The following AVL9 variants were observed in gnomAD, a reference collection of about 807,000 sequenced individuals.
AVL9 encodes the protein late secretory pathway protein AVL9 homolog.
AVL9 carries 49 observed loss-of-function variants against 79.2 expected under a neutral mutation model. That is an observed-to-expected ratio of 0.62 (90% CI 0.49 to 0.79). AVL9 has a LOEUF of 0.79. AVL9 is among the 30% of genes least tolerant of loss of function. The pLI is 0.00. For missense variants in AVL9, 682 were observed against 776.8 expected (o/e 0.88, Z 1.45); for synonymous variants, 299 against 280.6 (o/e 1.07, Z -0.65).
chr7:32,573,174 T>C, intron 11 of AVL9, 25 bp from the exon 12 acceptor site: 2 of 1,599,686 alleles, frequency 1.3e-6, no homozygotes, highest in Non-Finnish European at 1.7e-6. Flanking sequence ...GCCCAGACTC[T>C]GACTTGTACC....
Position 32,518,019 on chromosome 7 carries a change from C to T in AVL9, c.93+22217C>T, listed in dbSNP as rs142394758. ...CTAATTTTTTTATTTTTAGTGGAGA[C>T]GGAGTTTCACCATGTTGGCCAGGCT... On this transcript the variant is annotated intron_variant, in intron 1 of 15. Transcript: ENST00000318709. Among the ~76,000 whole-genome samples the T allele has an allele frequency of 9.2e-3, 1,395 of 151,986 alleles. 23 individuals are homozygous for T. Among genetic ancestry groups the T allele is most frequent in the African/African-American group, 0.03 (1,254 of 41,440 alleles).
intron 1 of AVL9, among the ~76,000 whole-genome samples, chr7:32,515,611 A>G (rs947275880): frequency 3.3e-5 from 5 of 152,202 alleles, no homozygotes; most frequent in Non-Finnish European, 5.9e-5. Context: ...TGCTTCTAGA[A>G]TGGTAGAGAG....
chr7:32,563,285 G>T (rs1790409571), intron 10 of AVL9, among the ~76,000 whole-genome samples: 1 of 151,870 alleles, frequency 6.6e-6, no homozygotes, highest in Admixed American at 6.6e-5. Context: ...ACCCACCTTG[G>T]CCTCCCAAAG....
chr7:32,526,128 C>T (rs910588454), intron 1 of AVL9, among the ~76,000 whole-genome samples: 2 of 152,190 alleles, frequency 1.3e-5, no homozygotes, highest in Admixed American at 6.5e-5. Context: ...TCCATCCTGT[C>T]CTCCTGGTGC....
Position 32,580,725 on chromosome 7 carries a change from CTA to C in AVL9, c.1743-73_1743-72del. On this transcript the variant is annotated intron_variant, in intron 14 of 15. Coordinates refer to ENST00000318709, the MANE Select transcript of AVL9 (RefSeq NM_015060.3). The stretch of plus-strand genomic sequence containing the variant: ...TACAGAGTGACTATTGTGTGTGTGT[CTA>C]TATGTGTCTGTGTGCGTGTGTGAGA... 10 of 818,890 alleles carry C rather than the reference CTA, an allele frequency of 1.2e-5. No individual in the cohort carries two copies. The South Asian group carries it at 1.6e-4, about 13-fold the overall frequency. 50.7% of individuals were successfully genotyped at this position (818,890 alleles called of 1,614,324 possible).
chr7:32,568,209 T>TTTA (rs1790669585), intron 10 of AVL9, among the ~76,000 whole-genome samples: 1 of 146,884 alleles, frequency 6.8e-6, no homozygotes, highest in East Asian at 2.0e-4. Context: ...TTATTTATTT[T>TTTA]TTTTTTTTTG....
intron 1 of AVL9, among the ~76,000 whole-genome samples, chr7:32,504,359 T>C (rs1271205642): frequency 1.3e-5 from 2 of 152,232 alleles, no homozygotes; most frequent in African/African-American, 4.8e-5. Context: ...TATCATCTCA[T>C]TCAGAAAACC....
At position 32,580,799 on chromosome 7, in the gene AVL9, C is replaced by A; in HGVS notation, c.1743-3C>A. On this transcript the variant is annotated splice_region_variant and splice_polypyrimidine_tract_variant and intron_variant, in intron 14 of 15. Coordinates refer to ENST00000318709, the MANE Select transcript of AVL9 (RefSeq NM_015060.3). ...CACTTCTTTTATCTTATCTTTTACC[C>A]AGTTCTGTTCAGAATAGTGAACGTG... The A allele has an allele frequency of 6.2e-7, 1 of 1,610,188 alleles. No homozygotes were observed. Among genetic ancestry groups the A allele is most frequent in the Non-Finnish European group, 8.5e-7 (1 of 1,177,044 alleles).
intron 13 of AVL9, among the ~76,000 whole-genome samples, chr7:32,577,695 T>A (rs1341193559): frequency 6.6e-6 from 1 of 152,176 alleles, no homozygotes; most frequent in Non-Finnish European, 1.5e-5. Flanking sequence ...GCTCTATAGA[T>A]GTTAGTGCAG....
chr7:32,523,419 T>A (rs1046950600), intron 1 of AVL9, among the ~76,000 whole-genome samples: 4 of 151,460 alleles, frequency 2.6e-5, no homozygotes, highest in African/African-American at 9.7e-5. Flanking sequence ...AAACTTTTTT[T>A]AACCAGGTAA....
intron 8 of AVL9, among the ~76,000 whole-genome samples, chr7:32,557,562 C>T (rs879493102): frequency 3.3e-5 from 5 of 152,086 alleles, no homozygotes; most frequent in African/African-American, 4.8e-5. Flanking sequence ...CAGATTAAAC[C>T]TTTTTAGCAA....
intron 1 of AVL9, among the ~76,000 whole-genome samples, chr7:32,527,061 G>T (rs184382789): frequency 2.6e-5 from 4 of 152,292 alleles, no homozygotes; most frequent in African/African-American, 9.6e-5. Flanking sequence ...GGAGAAGTGG[G>T]CGTGTGAGAT....
chr7:32,495,573 C>G lies in AVL9; in HGVS notation c.-137C>G. ...GGGGGCGGCGGGAGCTGCTTTGCCT[C>G]CACCGATCTCCCTGTGCGGCCCTCA... On this transcript the variant is annotated 5_prime_UTR_variant, in exon 1 of 16. Coordinates refer to ENST00000318709, the MANE Select transcript of AVL9 (RefSeq NM_015060.3). The G allele has an allele frequency of 2.1e-6, 1 of 476,832 alleles. No individual in the cohort carries two copies. Among genetic ancestry groups the G allele is most frequent in the Non-Finnish European group, 3.5e-6 (1 of 286,912 alleles). The allele number at this position is 476,832 out of a possible 1,614,324, so 29.5% of individuals were successfully genotyped here.
At chr7:32,582,675 A>C (rs774191536) in intron 15 of AVL9, among the ~76,000 whole-genome samples, 20 of 152,114 alleles carry the variant, frequency 1.3e-4, no homozygotes, top group Non-Finnish European at 1.8e-4. Flanking sequence ...CAACTTAAAT[A>C]ATTTCACTTA....
At chr7:32,511,438 C>A (rs1787668458) in intron 1 of AVL9, among the ~76,000 whole-genome samples, 1 of 151,978 alleles carries the variant, frequency 6.6e-6, no homozygotes, top group Non-Finnish European at 1.5e-5. Flanking sequence ...AGTCCACAGT[C>A]CTGGAAATTC....
chr7:32,503,947 T>G (rs976810443), intron 1 of AVL9, among the ~76,000 whole-genome samples: 1 of 152,136 alleles, frequency 6.6e-6, no homozygotes, highest in Admixed American at 6.5e-5. Context: ...CCTCCCAAAG[T>G]GCTGGGATTA....
chr7:32,566,780 G>C (rs4720067), intron 10 of AVL9, among the ~76,000 whole-genome samples: 108,052 of 151,782 alleles, frequency 0.71, 38,976 homozygotes, highest in South Asian at 0.85. Context: ...CTACTCCGGA[G>C]GCTGAGGCAG....
chr7:32,563,337 C>A (rs540410124), intron 10 of AVL9, among the ~76,000 whole-genome samples: 1 of 151,896 alleles, frequency 6.6e-6, no homozygotes, highest in Non-Finnish European at 1.5e-5. Flanking sequence ...CAGCCTCTCC[C>A]GTATACTTTA....
At position 32,548,928 on chromosome 7, in the gene AVL9, G is replaced by A. The variant is rs369275210; in HGVS notation, c.372+10G>A. 46 of 1,539,688 alleles carry A rather than the reference G, an allele frequency of 3.0e-5. No homozygotes were observed. The highest frequency in any genetic ancestry group is 2.0e-4 in the South Asian group (15 of 76,742). Reference sequence around the variant, plus strand: ...TGTTCTAAGCAAGCTGGTAAGAGACGAAGTAACTTGTTCATTATGTTAAAC... The same window carrying A: ...TGTTCTAAGCAAGCTGGTAAGAGACAAAGTAACTTGTTCATTATGTTAAAC... On this transcript the variant is annotated intron_variant, in intron 4 of 15. Transcript: ENST00000318709.
Sources: gnomAD v4.1 joint callset for allele counts (sites outside exome capture counted in the v4.1 genomes callset) on GRCh38, gnomAD v4.1.1 for gene constraint, MANE v1.5 for transcripts, NCBI Gene and HGNC (gene_info 2026-07-23, HGNC 2026-07-21) for gene names.